CEP128: variants seen among roughly 807,000 people sequenced by gnomAD.
CEP128 encodes the protein centrosomal protein 128kDa.
A neutral mutation model predicts 156.7 loss-of-function variants in CEP128; 132 were observed. The ratio of observed to expected loss-of-function variants is 0.84; its 90% CI spans 0.73 to 0.97. CEP128 has a LOEUF of 0.97. CEP128 is among the 50% of genes least tolerant of loss of function. The pLI, the probability that CEP128 is intolerant of heterozygous loss-of-function variation, is 0.00. For synonymous variants in CEP128, 469 were observed against 448.9 expected (o/e 1.04, Z -0.57); for missense variants, 1,252 against 1,281.9 (o/e 0.98, Z 0.36).
chr14:80,704,514 G>A (rs1424559643), intron 19 of CEP128, among the ~76,000 whole-genome samples: 1 of 151,928 alleles, frequency 6.6e-6, no homozygotes, highest in East Asian at 1.9e-4. Flanking sequence ...AGGCTCTAAT[G>A]CAAGTTTTTA....
chr14:80,647,737 A>G (rs1472141089), intron 19 of CEP128, among the ~76,000 whole-genome samples: 2 of 152,084 alleles, frequency 1.3e-5, no homozygotes, highest in African/African-American at 4.8e-5. Context: ...TAGCCCCACA[A>G]AAACAAGGAA....
chr14:80,924,347 C>A (rs554477695), intron 2 of CEP128, among the ~76,000 whole-genome samples: 21 of 152,266 alleles, frequency 1.4e-4, no homozygotes, highest in African/African-American at 4.6e-4. Flanking sequence ...CCAGTCAGTT[C>A]TGTTATGTTA....
chr14:80,718,451 C>A (rs994658450), intron 19 of CEP128, among the ~76,000 whole-genome samples: 2 of 152,118 alleles, frequency 1.3e-5, no homozygotes, highest in Non-Finnish European at 2.9e-5. Context: ...GTAATTAAAT[C>A]ATACAGTCTA....
chr14:80,905,830 C>T (rs560726914), intron 5 of CEP128, 125 bp downstream of exon 5: 2 of 829,288 alleles, frequency 2.4e-6, no homozygotes, highest in Admixed American at 2.9e-5. Flanking sequence ...TCCTTGACAA[C>T]TACATGTACT....
At chr14:80,837,495 A>G (rs1284994822) in intron 11 of CEP128, among the ~76,000 whole-genome samples, 2 of 152,186 alleles carry the variant, frequency 1.3e-5, no homozygotes, top group Non-Finnish European at 2.9e-5. Context: ...GAGGTGGGGA[A>G]TCACGAAGTC....
At position 80,900,034 on chromosome 14, in the gene CEP128, C is replaced by CCATTTCT; in HGVS notation, c.481-6_481-5insAGAAATG. ...AGACTGATGAAAACCATGAAGCTAGCAAAGGCAAAACACAGTTATCCATTT... is the reference window on the plus strand; with the variant it reads ...AGACTGATGAAAACCATGAAGCTAGCCATTTCTAAAGGCAAAACACAGTTATCCATTT... On this transcript the variant is annotated splice_region_variant and splice_polypyrimidine_tract_variant and intron_variant, in intron 6 of 24. Coordinates refer to ENST00000555265, the MANE Select transcript of CEP128 (RefSeq NM_152446.5). The CCATTTCT allele has an allele frequency of 6.3e-7, 1 of 1,596,534 alleles. No individual in the cohort carries two copies. Among genetic ancestry groups the CCATTTCT allele is most frequent in the Non-Finnish European group, 8.6e-7 (1 of 1,166,220 alleles).
At chr14:80,484,121 C>T (rs746186254) in intron 14 of CEP128, among the ~76,000 whole-genome samples, 7 of 152,086 alleles carry the variant, frequency 4.6e-5, no homozygotes, top group East Asian at 1.9e-4. Context: ...GGACTACAGG[C>T]GTGCACCACC....
chr14:80,890,734 G>A (rs1013627125), intron 8 of CEP128, among the ~76,000 whole-genome samples: 22 of 151,994 alleles, frequency 1.4e-4, no homozygotes, highest in African/African-American at 5.3e-4. Flanking sequence ...CATGGTGCAT[G>A]TATACCTATG....
chr14:80,695,310 A>G (rs1356469732), intron 19 of CEP128, among the ~76,000 whole-genome samples: 1 of 152,240 alleles, frequency 6.6e-6, no homozygotes, highest in East Asian at 1.9e-4. Flanking sequence ...GAAACCAAGC[A>G]ATGTTTCAGA....
intron 8 of CEP128, among the ~76,000 whole-genome samples, chr14:80,879,602 G>A (rs1888435038): frequency 6.6e-6 from 1 of 151,784 alleles, no homozygotes; most frequent in East Asian, 1.9e-4. Context: ...AAACAGAAGA[G>A]ACAGTTTGTG....
chr14:80,595,049 C>A (rs1451515022), intron 19 of CEP128, among the ~76,000 whole-genome samples: 1 of 152,130 alleles, frequency 6.6e-6, no homozygotes, highest in African/African-American at 2.4e-5. Context: ...GCACTATTCA[C>A]AATAGCAAAG....
rs1889025713 is a variant in CEP128 at position 80,890,193 on chromosome 14, T to A, written c.645+5525A>T. The stretch of plus-strand genomic sequence containing the variant: ...ACTGTTGGTGGGAGTGTAAATTAGT[T>A]CAACCTTTGTGGAAGACAGTGTGGC... On this transcript the variant is annotated intron_variant, in intron 8 of 24. Coordinates refer to ENST00000555265, the MANE Select transcript of CEP128 (RefSeq NM_152446.5). Among the ~76,000 whole-genome samples, 3 of 152,200 alleles carry A rather than the reference T, an allele frequency of 2.0e-5. No individual in the cohort carries two copies. The South Asian group carries it at 6.2e-4, about 31-fold the overall frequency.
At chr14:80,821,524 T>C (rs1885169092) in intron 13 of CEP128, among the ~76,000 whole-genome samples, 1 of 151,870 alleles carries the variant, frequency 6.6e-6, no homozygotes, top group Non-Finnish European at 1.5e-5. Flanking sequence ...TTTCAATAGA[T>C]CCATAGATAA....
intron 17 of CEP128, among the ~76,000 whole-genome samples, chr14:80,759,664 C>T (rs1899853585): frequency 6.6e-6 from 1 of 151,982 alleles, no homozygotes; most frequent in South Asian, 2.1e-4. Flanking sequence ...ATTTTCCACC[C>T]AAGACTTGGA....
chr14:80,698,692 G>A (rs557511128), intron 19 of CEP128, among the ~76,000 whole-genome samples: 74 of 151,990 alleles, frequency 4.9e-4, no homozygotes, highest in African/African-American at 1.7e-3. Context: ...TTTCTGTGGC[G>A]CATATGGGAA....
chr14:80,859,436 T>C (rs1319784624), intron 9 of CEP128, among the ~76,000 whole-genome samples: 3 of 147,090 alleles, frequency 2.0e-5, no homozygotes, highest in East Asian at 2.1e-4. Flanking sequence ...TTGGGAGATA[T>C]ACCTAATGCT....
intron 12 of CEP128, among the ~76,000 whole-genome samples, chr14:80,835,141 T>G (rs1331320259): frequency 6.6e-6 from 1 of 152,008 alleles, no homozygotes; most frequent in Non-Finnish European, 1.5e-5. Context: ...CCTTTACACA[T>G]CCCCACTCCC....
chr14:80,778,152 C>T (rs1301317076), intron 15 of CEP128, 106 bp from the exon 16 acceptor site: 3 of 869,458 alleles, frequency 3.5e-6, no homozygotes, highest in African/African-American at 1.7e-5. Context: ...GATTTCAGCT[C>T]GTTCAAAGCA....
At chr14:80,817,728 A>G (rs1030829887) in intron 13 of CEP128, among the ~76,000 whole-genome samples, 2 of 152,180 alleles carry the variant, frequency 1.3e-5, no homozygotes, top group Non-Finnish European at 2.9e-5. Context: ...TAAAATACAA[A>G]AAATTAGCCA....
Sources: allele counts gnomAD v4.1 joint callset (sites outside exome capture counted in the v4.1 genomes callset), GRCh38; gene constraint gnomAD v4.1.1; transcripts MANE v1.5; gene names NCBI Gene and HGNC (gene_info 2026-07-23, HGNC 2026-07-21).